Variants in NPAS3 observed in about 807,000 individuals in gnomAD.
The protein encoded by NPAS3 is neuronal PAS domain-containing protein 3.
Under a neutral mutation model 73.1 loss-of-function variants are expected in NPAS3, and 14 were observed. The observed-to-expected ratio is 0.19, with a 90% confidence interval of 0.13 to 0.30. NPAS3 has a LOEUF of 0.30. Among genes scored for constraint, NPAS3 ranks in the 10% least tolerant of loss-of-function variants. The pLI is 1.00. For missense variants in NPAS3, 1,096 were observed against 1,250.0 expected (o/e 0.88, Z 1.86); for synonymous variants, 620 against 541.5 (o/e 1.14, Z -2.01).
At chr14:33,753,722 C>T (rs2062032108) in intron 7 of NPAS3, among the ~76,000 whole-genome samples, 3 of 152,206 alleles carry the variant, frequency 2.0e-5, no homozygotes, top group African/African-American at 7.2e-5. Flanking sequence ...CAGGCAAACA[C>T]TATGAGAACA....
At chr14:33,759,218 T>C (rs1340715902) in intron 7 of NPAS3, among the ~76,000 whole-genome samples, 2 of 152,216 alleles carry the variant, frequency 1.3e-5, no homozygotes, top group African/African-American at 4.8e-5. Flanking sequence ...AAGCCAAACA[T>C]ACATAGCAGT....
chr14:32,965,106 G>A (rs1221969842), intron 1 of NPAS3, among the ~76,000 whole-genome samples: 1 of 152,190 alleles, frequency 6.6e-6, no homozygotes, highest in African/African-American at 2.4e-5. Flanking sequence ...CTCAGGACTT[G>A]ATGGATTCAC....
chr14:33,580,499 A>G (rs1031179306), intron 5 of NPAS3, among the ~76,000 whole-genome samples: 2 of 152,162 alleles, frequency 1.3e-5, no homozygotes, highest in Non-Finnish European at 1.5e-5. Flanking sequence ...TGGGCTTTAA[A>G]GGCTGGTGAG....
At chr14:33,328,727 C>A (rs959067385) in intron 3 of NPAS3, among the ~76,000 whole-genome samples, 2 of 151,838 alleles carry the variant, frequency 1.3e-5, no homozygotes, top group African/African-American at 4.8e-5. Context: ...AAAGGGTTTA[C>A]CTTTATTTTC....
At chr14:33,134,579 C>T (rs2043764929) in intron 2 of NPAS3, among the ~76,000 whole-genome samples, 1 of 152,084 alleles carries the variant, frequency 6.6e-6, no homozygotes, top group Non-Finnish European at 1.5e-5. Context: ...TATCCAGCCA[C>T]CAGGAGCTGT....
chr14:33,696,829 AG>A (rs1293351130), intron 6 of NPAS3, among the ~76,000 whole-genome samples: 1 of 152,166 alleles, frequency 6.6e-6, no homozygotes, highest in Non-Finnish European at 1.5e-5. Flanking sequence ...TGATTTGTTC[AG>A]GGAAGAGAAG....
intron 3 of NPAS3, among the ~76,000 whole-genome samples, chr14:33,319,871 C>T (rs2043362978): frequency 6.6e-6 from 1 of 152,128 alleles, no homozygotes; most frequent in Non-Finnish European, 1.5e-5. Flanking sequence ...TTTTTGTGAA[C>T]ATGTTTATTT....
rs566324039 is a variant in NPAS3 at position 33,016,599 on chromosome 14, G to A, written c.51-39306G>A. 2.9e-4 allele frequency among the ~76,000 whole-genome samples: 38 copies of A among 129,810 alleles called. No individual in the cohort carries two copies. In the South Asian group the frequency reaches 0.011, roughly 36 times the overall value. 85.2% of individuals were successfully genotyped at this position (129,810 alleles called of 152,430 possible). A position where few individuals can be genotyped will look rare whatever the true frequency, so the allele number is the denominator to read the frequency against. ...TGAAAAAAGATTTAAAGTTGTGTAT[G>A]GAAACAGAAAAAAAGGAAAAAAAAA... On this transcript the variant is annotated intron_variant, in intron 1 of 11. Transcript: ENST00000356141.
intron 3 of NPAS3, among the ~76,000 whole-genome samples, chr14:33,333,349 T>A (rs559196923): frequency 6.6e-6 from 1 of 152,368 alleles, no homozygotes; most frequent in African/African-American, 2.4e-5. Context: ...AACATTTTCA[T>A]GATACTTTTC....
chr14:33,510,586 G>A (rs1372456362), intron 4 of NPAS3, among the ~76,000 whole-genome samples: 2 of 151,646 alleles, frequency 1.3e-5, no homozygotes, highest in African/African-American at 4.9e-5. Context: ...ACATGGGTAA[G>A]GTGTTAATAA....
intron 4 of NPAS3, among the ~76,000 whole-genome samples, chr14:33,525,957 T>C (rs2053780585): frequency 6.6e-6 from 1 of 151,406 alleles, no homozygotes; most frequent in Non-Finnish European, 1.5e-5. Flanking sequence ...AAGAGACAGA[T>C]AAAACAGAAA....
chr14:33,320,981 G>C (rs1330828962), intron 3 of NPAS3, among the ~76,000 whole-genome samples: 1 of 152,080 alleles, frequency 6.6e-6, no homozygotes. Context: ...TGCTTTCCTT[G>C]TCCTACAAAC....
At chr14:32,967,769 T>G (rs2037236784) in intron 1 of NPAS3, among the ~76,000 whole-genome samples, 2 of 110,906 alleles carry the variant, frequency 1.8e-5, no homozygotes, top group South Asian at 2.9e-4. Context: ...GACAACAGCA[T>G]GTGGGGGGGG....
intron 2 of NPAS3, among the ~76,000 whole-genome samples, chr14:33,149,466 C>A (rs1308661968): frequency 6.6e-6 from 1 of 152,180 alleles, no homozygotes; most frequent in East Asian, 1.9e-4. Flanking sequence ...AAGTGTACTT[C>A]ATCAGTACTT....
rs187013527 is a variant in NPAS3, at chr14:33,074,494, A to G, written c.140+18500A>G. 1.6e-3 allele frequency among the ~76,000 whole-genome samples: 242 copies of G among 152,050 alleles called. 1 individual carries two copies. Among genetic ancestry groups the G allele is most frequent in the Non-Finnish European group, 8.7e-4 (59 of 67,944 alleles). On this transcript the variant is annotated intron_variant, in intron 2 of 11. Transcript: ENST00000356141. ...GGCAGTGGCATGATCTCGGCTCACTACAACCTCCGCCTCCCAGGTTCAAGC... is the reference window on the plus strand; with the variant it reads ...GGCAGTGGCATGATCTCGGCTCACTGCAACCTCCGCCTCCCAGGTTCAAGC...
chr14:33,731,021 G>A lies in NPAS3; in HGVS notation c.734-4193G>A, dbSNP rs144171021. 3.4e-4 allele frequency among the ~76,000 whole-genome samples: 52 copies of A among 152,280 alleles called. No homozygotes were observed. In the East Asian group the frequency reaches 4.1e-3, roughly 12 times the overall value. ...AAGGAAAAATACCTTACTTACTTTTGAGGAGTAACATTTCTCAAAACTTTT... is the reference window on the plus strand; with the variant it reads ...AAGGAAAAATACCTTACTTACTTTTAAGGAGTAACATTTCTCAAAACTTTT... On this transcript the variant is annotated intron_variant, in intron 6 of 11. Transcript: ENST00000356141.
At chr14:33,687,813 G>A (rs1003052376) in intron 6 of NPAS3, among the ~76,000 whole-genome samples, 10 of 152,178 alleles carry the variant, frequency 6.6e-5, no homozygotes, top group Admixed American at 5.2e-4. Context: ...CCTAGATTCC[G>A]GGATGGGGTA....
intron 3 of NPAS3, among the ~76,000 whole-genome samples, chr14:33,306,081 GACAAA>G (rs1291236267): frequency 2.0e-5 from 3 of 151,862 alleles, no homozygotes; most frequent in African/African-American, 7.3e-5. Flanking sequence ...CTTAAGTTAG[GACAAA>G]ACAAAAGTAA....
chr14:33,800,344 C>T lies in NPAS3; in HGVS notation c.2037C>T (p.Pro679=). The change falls in exon 12 of 12, where the codon CCC becomes CCT. Residue 679 remains proline, a synonymous_variant. Transcript: ENST00000356141. This position sits in a 1 kb window ranked among gnomAD's most constrained non-coding sequence, Gnocchi z 6.5. ...GGGAGATCTCCAGGAACGAGTCCCC[C>T]TACAGCATGACCAAGCCCCCCAGCT... 1.9e-6 allele frequency: 3 copies of T among 1,612,964 alleles called. No individual in the cohort carries two copies. Among genetic ancestry groups the T allele is most frequent in the Non-Finnish European group, 2.5e-6 (3 of 1,179,502 alleles).
Sources: gnomAD v4.1 joint callset for allele counts (sites outside exome capture counted in the v4.1 genomes callset) on GRCh38, gnomAD v4.1.1 for gene constraint, Gnocchi (gnomAD v3.1) non-coding constraint, MANE v1.5 for transcripts, NCBI Gene and HGNC (gene_info 2026-07-23, HGNC 2026-07-21) for gene names.